The following SCLT1 variants were observed in gnomAD, a reference collection of about 807,000 sequenced individuals.
SCLT1 encodes the protein sodium channel and clathrin linker 1, also known as sodium channel-associated protein 1.
A neutral mutation model predicts 112.8 loss-of-function variants in SCLT1; 78 were observed. The ratio of observed to expected loss-of-function variants is 0.69; its 90% CI spans 0.58 to 0.83. SCLT1 has a LOEUF of 0.83. Among genes scored for constraint, SCLT1 ranks in the 40% least tolerant of loss-of-function variants. The probability of loss-of-function intolerance (pLI) is 0.00; values close to 1 mark genes in which losing one functional copy is unlikely to be tolerated. For missense variants in SCLT1, 747 were observed against 770.4 expected (o/e 0.97, Z 0.36); for synonymous variants, 257 against 254.7 (o/e 1.01, Z -0.09).
At chr4:128,907,475 A>G (rs576997055) in intron 18 of SCLT1, among the ~76,000 whole-genome samples, 5 of 152,328 alleles carry the variant, frequency 3.3e-5, no homozygotes, top group African/African-American at 1.2e-4. Context: ...GATGATACCC[A>G]GAGTTTTTCT....
At chr4:128,987,985 G>C (rs1308967388) in intron 9 of SCLT1, among the ~76,000 whole-genome samples, 3 of 151,830 alleles carry the variant, frequency 2.0e-5, no homozygotes, top group Non-Finnish European at 4.4e-5. Flanking sequence ...TTCAAACATA[G>C]AGGAGAAATG....
chr4:129,023,712 G>A (rs866534534), intron 5 of SCLT1, among the ~76,000 whole-genome samples: 2 of 152,338 alleles, frequency 1.3e-5, no homozygotes, highest in East Asian at 3.9e-4. Flanking sequence ...AGTGCACTGT[G>A]TGCGAGCTGA....
chr4:128,930,926 C>A (rs1736707331), intron 18 of SCLT1, among the ~76,000 whole-genome samples: 1 of 151,860 alleles, frequency 6.6e-6, no homozygotes, highest in African/African-American at 2.4e-5. Flanking sequence ...TTGATAAGAT[C>A]AGAAGGGCTT....
At chr4:129,085,735 C>T (rs1170971082) in intron 1 of SCLT1, among the ~76,000 whole-genome samples, 1 of 152,092 alleles carries the variant, frequency 6.6e-6, no homozygotes, top group Non-Finnish European at 1.5e-5. Context: ...GAGCTGGAGA[C>T]CATTATCCTT....
At chr4:128,890,276 A>G (rs535369515) in intron 19 of SCLT1, among the ~76,000 whole-genome samples, 23 of 152,120 alleles carry the variant, frequency 1.5e-4, no homozygotes, top group Non-Finnish European at 2.9e-4. Flanking sequence ...GTTGCTTTTG[A>G]TCTTCCTATA....
Position 128,943,038 on chromosome 4 carries a change from TA to T in SCLT1, c.1589del (p.Leu530Ter). The T allele has an allele frequency of 6.2e-7, 1 of 1,612,968 alleles. No homozygotes were observed. The highest frequency in any genetic ancestry group is 8.5e-7 in the Non-Finnish European group (1 of 1,179,390). ...NKQLRKETES[L>X]RKIALEAQKK... ...TTTGAGCCTCCAGGGCAATCTTCCT[TA>T]AACTCTCAGTCTCTTTCCGTAACTG... On this transcript the variant is annotated frameshift_variant, in exon 17 of 21. Transcript: ENST00000281142. LOFTEE classifies it high-confidence loss of function.
chr4:129,073,184 A>G (rs944119622), intron 2 of SCLT1, among the ~76,000 whole-genome samples: 3 of 152,018 alleles, frequency 2.0e-5, no homozygotes, highest in African/African-American at 4.8e-5. Context: ...CATGCATACC[A>G]TGGTATTTGG....
At position 128,988,798 on chromosome 4, in the gene SCLT1, C is replaced by G. The variant is rs72922093; in HGVS notation, c.686+3369G>C. Among the ~76,000 whole-genome samples, 733 of 151,838 alleles carry G rather than the reference C, an allele frequency of 4.8e-3. 4 individuals carry two copies. Among genetic ancestry groups the G allele is most frequent in the African/African-American group, 0.016 (666 of 41,512 alleles). ...CAGGAATGGAAAAAGACAGTCCATG[C>G]AAACAGAAACCCCAAAAGAGCAAGA... On this transcript the variant is annotated intron_variant, in intron 9 of 20. Coordinates refer to ENST00000281142, the MANE Select transcript of SCLT1 (RefSeq NM_144643.4).
intron 10 of SCLT1, among the ~76,000 whole-genome samples, chr4:128,968,259 C>G (rs981363045): frequency 2.0e-5 from 3 of 152,032 alleles, no homozygotes; most frequent in African/African-American, 7.2e-5. Context: ...GTTCATTTTT[C>G]TTCAATCTTT....
rs538536185 is a variant in SCLT1, at chr4:128,897,545, C to T, written c.1830-6408G>A. 2.0e-3 allele frequency among the ~76,000 whole-genome samples: 298 copies of T among 149,070 alleles called. 1 individual carries two copies. The highest frequency in any genetic ancestry group is 7.1e-3 in the African/African-American group (282 of 39,992). On this transcript the variant is annotated intron_variant, in intron 18 of 20. Coordinates refer to ENST00000281142, the MANE Select transcript of SCLT1 (RefSeq NM_144643.4). ...AAGCACTAAACATGGAAAGGAACAA[C>T]CGGTACCAGCCGCTGCAAAAACATG...
intron 18 of SCLT1, among the ~76,000 whole-genome samples, chr4:128,894,008 C>T (rs942121969): frequency 2.6e-5 from 4 of 152,124 alleles, no homozygotes; most frequent in East Asian, 3.9e-4. Context: ...GGCACAATCA[C>T]GGCTCACTGC....
At chr4:129,000,887 C>T (rs909907182) in intron 6 of SCLT1, among the ~76,000 whole-genome samples, 1 of 151,696 alleles carries the variant, frequency 6.6e-6, no homozygotes, top group Non-Finnish European at 1.5e-5. Context: ...TTACTATACT[C>T]TTCTCCTAAA....
At chr4:129,073,126 T>C (rs982642616) in intron 2 of SCLT1, among the ~76,000 whole-genome samples, 2 of 152,136 alleles carry the variant, frequency 1.3e-5, no homozygotes, top group Admixed American at 6.6e-5. Context: ...GTACTGGGGA[T>C]TGTCTGTACA....
chr4:129,086,258 A>C (rs1418982677), intron 1 of SCLT1, among the ~76,000 whole-genome samples: 1 of 152,064 alleles, frequency 6.6e-6, no homozygotes, highest in Non-Finnish European at 1.5e-5. Context: ...ACAAGTACTT[A>C]TCTGGCTTGT....
intron 20 of SCLT1, among the ~76,000 whole-genome samples, chr4:128,886,746 G>A (rs1250048529): frequency 6.6e-6 from 1 of 152,126 alleles, no homozygotes; most frequent in Non-Finnish European, 1.5e-5. Context: ...TGCCATTGGA[G>A]AGTTTAAACA....
intron 5 of SCLT1, among the ~76,000 whole-genome samples, chr4:129,029,411 G>A (rs1489426505): frequency 2.0e-5 from 3 of 151,726 alleles, no homozygotes; most frequent in African/African-American, 7.3e-5. Context: ...ATCATTCTCA[G>A]CAAACTGTCT....
intron 1 of SCLT1, among the ~76,000 whole-genome samples, chr4:129,085,868 G>T (rs1353428453): frequency 6.6e-6 from 1 of 152,086 alleles, no homozygotes; most frequent in Admixed American, 6.5e-5. Context: ...GGTGAAGGGT[G>T]GGAGGAGGGA....
At chr4:128,965,363 T>C (rs1030686090) in intron 10 of SCLT1, 45 bp from the exon 11 acceptor site, 2 of 1,174,564 alleles carry the variant, frequency 1.7e-6, no homozygotes, top group Non-Finnish European at 2.6e-6. Flanking sequence ...TATGTGAAAA[T>C]TCAATACACC....
At chr4:128,970,103 A>T (rs1579547398) in intron 10 of SCLT1, among the ~76,000 whole-genome samples, 1 of 152,178 alleles carries the variant, frequency 6.6e-6, no homozygotes, top group African/African-American at 2.4e-5. Context: ...AGTTAACTGA[A>T]ACTTGATCTT....
Sources: allele counts gnomAD v4.1 joint callset (sites outside exome capture counted in the v4.1 genomes callset), GRCh38; gene constraint gnomAD v4.1.1; transcripts MANE v1.5; gene names NCBI Gene and HGNC (gene_info 2026-07-23, HGNC 2026-07-21).